The following XNDC1N variants were observed in gnomAD, a reference collection of about 807,000 sequenced individuals.
XNDC1N encodes the protein XRCC1 N-terminal domain containing 1, N-terminal like.
the XNDC1N span, among the ~76,000 whole-genome samples, chr11:71,897,128 A>T: frequency 6.6e-6 from 1 of 152,230 alleles, no homozygotes; most frequent in African/African-American, 2.4e-5. Context: ...TGACACGCCT[A>T]AAAGAAAACA....
the XNDC1N span, among the ~76,000 whole-genome samples, chr11:71,892,710 G>A: frequency 1.3e-5 from 2 of 151,862 alleles, no homozygotes; most frequent in African/African-American, 4.8e-5. Context: ...CACTGGAGAC[G>A]GGGTTTCACC....
the XNDC1N span, among the ~76,000 whole-genome samples, chr11:71,867,962 C>T: frequency 1.4e-4 from 21 of 152,262 alleles, no homozygotes; most frequent in African/African-American, 1.9e-4. Flanking sequence ...TATGAATTTG[C>T]GCACACTTGT....
the XNDC1N span, among the ~76,000 whole-genome samples, chr11:71,910,959 C>T: frequency 3.3e-5 from 5 of 152,230 alleles, no homozygotes; most frequent in African/African-American, 4.8e-5. Flanking sequence ...CCTGGGGCTA[C>T]CTGATCTGAC....
chr11:71,922,430 A>T, the XNDC1N span, among the ~76,000 whole-genome samples: 1 of 152,116 alleles, frequency 6.6e-6, no homozygotes, highest in South Asian at 2.1e-4. Context: ...TGGCTTCCTG[A>T]GTAGCTGGGA....
the XNDC1N span, among the ~76,000 whole-genome samples, chr11:71,868,854 G>C: frequency 2.0e-5 from 3 of 152,132 alleles, no homozygotes; most frequent in African/African-American, 7.2e-5. Context: ...TTTTATGGAA[G>C]ATATCCTCAA....
At chr11:71,925,414 G>A in the XNDC1N span, among the ~76,000 whole-genome samples, 1 of 152,082 alleles carries the variant, frequency 6.6e-6, no homozygotes, top group Non-Finnish European at 1.5e-5. Flanking sequence ...GCAGTAACAA[G>A]CTCTTAGTGA....
At chr11:71,884,225 A>C in the XNDC1N span, 1 of 633,880 alleles carries the variant, frequency 1.6e-6, no homozygotes, top group Non-Finnish European at 2.5e-6. Flanking sequence ...CTCTCTTTAC[A>C]GAAGAAATCA....
chr11:71,890,603 G>A, the XNDC1N span, among the ~76,000 whole-genome samples: 5 of 151,992 alleles, frequency 3.3e-5, no homozygotes, highest in African/African-American at 1.2e-4. Context: ...TTCAGGTGGG[G>A]TATACACCAC....
At chr11:71,916,113 C>A in the XNDC1N span, 25,602 of 702,924 alleles carry the variant, frequency 0.036, 518 homozygotes, top group East Asian at 0.063. Flanking sequence ...AGGGACCCAC[C>A]ACAGAGTCAT....
At chr11:71,924,997 C>T in the XNDC1N span, among the ~76,000 whole-genome samples, 1 of 151,992 alleles carries the variant, frequency 6.6e-6, no homozygotes, top group Non-Finnish European at 1.5e-5. Context: ...ACCCTCCCCA[C>T]CAAAACTTTT....
chr11:71,915,402 C>T, the XNDC1N span, among the ~76,000 whole-genome samples: 90 of 151,242 alleles, frequency 6.0e-4, no homozygotes, highest in African/African-American at 1.9e-3. Context: ...GAGCCGAGAT[C>T]GCCCCACTGC....
the XNDC1N span, among the ~76,000 whole-genome samples, chr11:71,902,780 AAAAT>A: frequency 6.6e-6 from 1 of 152,276 alleles, no homozygotes; most frequent in Non-Finnish European, 1.5e-5. Context: ...TAGAATAAAT[AAAAT>A]ATTTGAGTTC....
chr11:71,867,281 C>A, the XNDC1N span, among the ~76,000 whole-genome samples: 1 of 152,152 alleles, frequency 6.6e-6, no homozygotes, highest in Admixed American at 6.5e-5. Flanking sequence ...AGGTCCCCAG[C>A]CTTCATCCAC....
chr11:71,881,653 C>T, the XNDC1N span, among the ~76,000 whole-genome samples: 1 of 151,730 alleles, frequency 6.6e-6, no homozygotes, highest in African/African-American at 2.4e-5. Flanking sequence ...AAAAAATCTT[C>T]AAATATGATT....
At chr11:71,911,518 G>C in the XNDC1N span, among the ~76,000 whole-genome samples, 4 of 142,548 alleles carry the variant, frequency 2.8e-5, no homozygotes, top group African/African-American at 1.0e-4. Context: ...CCTGGACACT[G>C]TTGTTGAAGC....
the XNDC1N span, chr11:71,919,161 G>A: frequency 1.3e-5 from 8 of 617,374 alleles, no homozygotes; most frequent in African/African-American, 1.5e-4. Context: ...CAGATGGGAG[G>A]CCATAGGAAT....
At chr11:71,877,506 C>T in the XNDC1N span, among the ~76,000 whole-genome samples, 25 of 152,280 alleles carry the variant, frequency 1.6e-4, no homozygotes, top group East Asian at 5.8e-4. Flanking sequence ...GGCATGGAGA[C>T]GTGTGCCTGT....
At chr11:71,887,035 A>T in the XNDC1N span, among the ~76,000 whole-genome samples, 1 of 152,184 alleles carries the variant, frequency 6.6e-6, no homozygotes, top group African/African-American at 2.4e-5. Context: ...GGCCCCGGAC[A>T]AGGAGGAAGG....
the XNDC1N span, among the ~76,000 whole-genome samples, chr11:71,912,581 T>G: frequency 1.3e-5 from 2 of 152,122 alleles, no homozygotes; most frequent in Non-Finnish European, 2.9e-5. Context: ...TCCTGGATAT[T>G]GGGCACAAAA....
Sources: allele counts gnomAD v4.1 joint callset (sites outside exome capture counted in the v4.1 genomes callset), GRCh38; gene constraint gnomAD v4.1.1; transcripts MANE v1.5; gene names NCBI Gene and HGNC (gene_info 2026-07-23, HGNC 2026-07-21).